The following KCNQ3 variants were observed in gnomAD, a reference collection of about 807,000 sequenced individuals.
The protein encoded by KCNQ3 is potassium voltage-gated channel subfamily Q member 3.
Under a neutral mutation model 92.5 loss-of-function variants are expected in KCNQ3, and 30 were observed. That is an observed-to-expected ratio of 0.32 (90% CI 0.24 to 0.44). The LOEUF (loss-of-function observed/expected upper bound fraction) is 0.44. Among genes scored for constraint, KCNQ3 ranks in the 20% least tolerant of loss-of-function variants. KCNQ3 has a pLI of 1.00. For synonymous variants in KCNQ3, 450 were observed against 468.8 expected (o/e 0.96, Z 0.52); for missense variants, 913 against 1,140.3 (o/e 0.80, Z 2.87).
At chr8:132,165,086 GA>G (rs985240702) in intron 8 of KCNQ3, among the ~76,000 whole-genome samples, 13 of 152,054 alleles carry the variant, frequency 8.5e-5, no homozygotes, top group Admixed American at 7.2e-4. Flanking sequence ...TTCCATCAAA[GA>G]AAAAAATTCT....
At chr8:132,211,544 G>C (rs986483699) in intron 1 of KCNQ3, among the ~76,000 whole-genome samples, 2 of 152,124 alleles carry the variant, frequency 1.3e-5, no homozygotes, top group African/African-American at 4.8e-5. Flanking sequence ...ATAACCTTTT[G>C]AGTCCTTTAT....
chr8:132,413,503 C>T (rs1005069428), intron 1 of KCNQ3, among the ~76,000 whole-genome samples: 4 of 152,322 alleles, frequency 2.6e-5, no homozygotes, highest in African/African-American at 7.2e-5. Flanking sequence ...AGCACACACA[C>T]CACTTTGAGT....
At chr8:132,439,784 G>A (rs947598359) in intron 1 of KCNQ3, among the ~76,000 whole-genome samples, 1 of 152,170 alleles carries the variant, frequency 6.6e-6, no homozygotes, top group Admixed American at 6.5e-5. Flanking sequence ...CAGCCCTGCT[G>A]ACACCTTGTT....
intron 2 of KCNQ3, among the ~76,000 whole-genome samples, chr8:132,184,626 C>T (rs1430033744): frequency 6.6e-6 from 1 of 152,140 alleles, no homozygotes; most frequent in East Asian, 1.9e-4. Flanking sequence ...ACAGTGATTA[C>T]TCGTTCTTTT....
At chr8:132,205,403 C>T (rs937325528) in intron 1 of KCNQ3, among the ~76,000 whole-genome samples, 4 of 152,224 alleles carry the variant, frequency 2.6e-5, no homozygotes, top group African/African-American at 9.6e-5. Flanking sequence ...ATTCATCCTT[C>T]CATGGACACC....
At chr8:132,225,571 C>T (rs922640074) in intron 1 of KCNQ3, among the ~76,000 whole-genome samples, 2 of 152,166 alleles carry the variant, frequency 1.3e-5, no homozygotes, top group Admixed American at 1.3e-4. Flanking sequence ...CAGTGATGTG[C>T]TGCAGCCTGC....
At chr8:132,134,243 A>T in intron 13 of KCNQ3, 47 bp downstream of exon 13, 1 of 1,442,552 alleles carries the variant, frequency 6.9e-7, no homozygotes, top group Non-Finnish European at 9.8e-7. Context: ...GGGATGCTTT[A>T]CAAACTTTGC....
chr8:132,386,481 C>A (rs578086466), intron 1 of KCNQ3, among the ~76,000 whole-genome samples: 2 of 151,974 alleles, frequency 1.3e-5, no homozygotes, highest in Admixed American at 6.5e-5. Context: ...ATCCTTGAAG[C>A]AGTTGGTGAA....
chr8:132,223,363 T>C lies in KCNQ3; in HGVS notation c.387-37182A>G, dbSNP rs11986610. 2.3e-3 allele frequency among the ~76,000 whole-genome samples: 344 copies of C among 152,282 alleles called. 1 individual carries two copies. The highest frequency in any genetic ancestry group is 0.014 in the Middle Eastern group (4 of 294). On this transcript the variant is annotated intron_variant, in intron 1 of 14. Transcript: ENST00000388996. ...CAGACAGCTGAGCAAATCACTGTAA[T>C]CCCACGTGAGAGGAGGCACAGGTAT...
chr8:132,213,546 C>T (rs751995232), intron 1 of KCNQ3, among the ~76,000 whole-genome samples: 2 of 152,202 alleles, frequency 1.3e-5, no homozygotes, highest in Admixed American at 1.3e-4. Context: ...CCAATCCAAT[C>T]CCAGTTACCC....
intron 1 of KCNQ3, among the ~76,000 whole-genome samples, chr8:132,243,135 T>G (rs913709556): frequency 6.6e-6 from 1 of 152,188 alleles, no homozygotes; most frequent in Middle Eastern, 3.2e-3. Flanking sequence ...CTGATTAATA[T>G]CCCAGCTCAA....
intron 1 of KCNQ3, among the ~76,000 whole-genome samples, chr8:132,337,810 G>T (rs899660669): frequency 6.6e-6 from 1 of 152,216 alleles, no homozygotes; most frequent in African/African-American, 2.4e-5. Flanking sequence ...AATGCATATT[G>T]CCCCAAAAAC....
chr8:132,351,007 C>T lies in KCNQ3; in HGVS notation c.386+129140G>A, dbSNP rs965469454. Among the ~76,000 whole-genome samples, 3 of 152,160 alleles carry T rather than the reference C, an allele frequency of 2.0e-5. 1 individual carries two copies. The South Asian group carries it at 6.2e-4, about 32-fold the overall frequency. On this transcript the variant is annotated intron_variant, in intron 1 of 14. Transcript: ENST00000388996. The stretch of plus-strand genomic sequence containing the variant: ...CACCTGACCTACTCGCACCCCACCA[C>T]TAATAACTAGGGGCCTGGCCTCCCT...
At position 132,397,223 on chromosome 8, in the gene KCNQ3, T is replaced by A. The variant is rs138501542; in HGVS notation, c.386+82924A>T. Among the ~76,000 whole-genome samples the A allele has an allele frequency of 4.1e-3, 621 of 152,266 alleles. 3 individuals carry two copies. Among genetic ancestry groups the A allele is most frequent in the African/African-American group, 0.014 (592 of 41,538 alleles). On this transcript the variant is annotated intron_variant, in intron 1 of 14. Coordinates refer to ENST00000388996, the MANE Select transcript of KCNQ3 (RefSeq NM_004519.4). ...CTGAGTGGCTGAGTCAGGCCCTCTGTGCCCAGAGGACTGCTGCCTGACATG... is the reference window on the plus strand; with the variant it reads ...CTGAGTGGCTGAGTCAGGCCCTCTGAGCCCAGAGGACTGCTGCCTGACATG...
At chr8:132,356,424 T>C (rs939149837) in intron 1 of KCNQ3, among the ~76,000 whole-genome samples, 1 of 152,190 alleles carries the variant, frequency 6.6e-6, no homozygotes, top group Non-Finnish European at 1.5e-5. Flanking sequence ...TTCAAGTATC[T>C]TCCTACTTTG....
At chr8:132,251,390 A>T (rs771986682) in intron 1 of KCNQ3, among the ~76,000 whole-genome samples, 2 of 152,268 alleles carry the variant, frequency 1.3e-5, no homozygotes, top group African/African-American at 2.4e-5. Flanking sequence ...ATTCACTGTG[A>T]GGATGACCCC....
intron 1 of KCNQ3, among the ~76,000 whole-genome samples, chr8:132,257,473 C>T (rs775617514): frequency 2.6e-5 from 4 of 152,094 alleles, no homozygotes; most frequent in East Asian, 1.9e-4. Context: ...AGGCCGGGCG[C>T]GGTGGCTCAT....
chr8:132,261,640 G>C (rs768576850), intron 1 of KCNQ3, among the ~76,000 whole-genome samples: 3 of 152,220 alleles, frequency 2.0e-5, no homozygotes, highest in Non-Finnish European at 4.4e-5. Context: ...ACGTGACTGA[G>C]AGGACAAGGA....
chr8:132,334,584 A>G (rs1818315381), intron 1 of KCNQ3, among the ~76,000 whole-genome samples: 1 of 152,214 alleles, frequency 6.6e-6, no homozygotes, highest in Non-Finnish European at 1.5e-5. Context: ...CTGTACCTAA[A>G]TGATCTCCCC....
Sources: gnomAD v4.1 joint callset for allele counts (sites outside exome capture counted in the v4.1 genomes callset) on GRCh38, gnomAD v4.1.1 for gene constraint, MANE v1.5 for transcripts, NCBI Gene and HGNC (gene_info 2026-07-23, HGNC 2026-07-21) for gene names.